The following RBM19 variants were observed in gnomAD, a reference collection of about 807,000 sequenced individuals.
RBM19 encodes RNA binding motif protein 19, also known as probable RNA-binding protein 19.
In RBM19, 94 loss-of-function variants were observed where a neutral mutation model predicts 116.8. The observed-to-expected ratio is 0.80, with a 90% confidence interval of 0.68 to 0.95. The LOEUF (loss-of-function observed/expected upper bound fraction) is 0.95, where lower values mean the gene tolerates loss of function less well. Ranked by LOEUF, RBM19 falls within the 40% of genes least tolerant of loss-of-function variation. RBM19 has a pLI of 0.00. For synonymous variants in RBM19, 475 were observed against 494.1 expected, an observed-to-expected ratio of 0.96 and a Z score of 0.51; for missense variants, 1,161 against 1,220.7, an observed-to-expected ratio of 0.95 and a Z score of 0.73.
chr12:113,838,202 G>A (rs1359175018), intron 23 of RBM19, among the ~76,000 whole-genome samples: 1 of 152,200 alleles, frequency 6.6e-6, no homozygotes, highest in Non-Finnish European at 1.5e-5. Context: ...CACCCACTCT[G>A]GGACCACTGA....
chr12:113,946,677 A>C (rs1871051367), intron 11 of RBM19, among the ~76,000 whole-genome samples: 1 of 152,086 alleles, frequency 6.6e-6, no homozygotes. Flanking sequence ...GGGCCACCTG[A>C]CACAGCTACA....
chr12:113,878,004 C>T (rs1185007185), intron 21 of RBM19, among the ~76,000 whole-genome samples: 1 of 152,230 alleles, frequency 6.6e-6, no homozygotes, highest in Non-Finnish European at 1.5e-5. Flanking sequence ...TACAATTTTA[C>T]TAGAACACGG....
At position 113,828,886 on chromosome 12, in the gene RBM19, C is replaced by T. The variant is rs551078679; in HGVS notation, c.2786-5565G>A. On this transcript the variant is annotated intron_variant, in intron 23 of 23. Coordinates refer to ENST00000261741, the MANE Select transcript of RBM19 (RefSeq NM_016196.4). ...GGTCTGCATCTCAGGGCTCTGTGTA[C>T]AGCAGGCACACATCAGGTACGCACA... 3.9e-5 allele frequency among the ~76,000 whole-genome samples: 6 copies of T among 152,316 alleles called. No individual in the cohort carries two copies. The East Asian group carries it at 7.7e-4, about 20-fold the overall frequency.
chr12:113,920,990 A>G (rs1301625042), intron 18 of RBM19, among the ~76,000 whole-genome samples: 1 of 152,176 alleles, frequency 6.6e-6, no homozygotes, highest in Non-Finnish European at 1.5e-5. Context: ...GACCTAAGAG[A>G]GATGACCATC....
chr12:113,826,552 G>A (rs1874872486), intron 23 of RBM19, among the ~76,000 whole-genome samples: 1 of 152,234 alleles, frequency 6.6e-6, no homozygotes, highest in Non-Finnish European at 1.5e-5. Context: ...GACACCTGCA[G>A]CACCTGCTCT....
intron 14 of RBM19, among the ~76,000 whole-genome samples, chr12:113,941,542 C>T: frequency 6.6e-6 from 1 of 152,196 alleles, no homozygotes; most frequent in East Asian, 1.9e-4. Context: ...TTATTTTATC[C>T]ATCTATCTAC....
intron 21 of RBM19, among the ~76,000 whole-genome samples, chr12:113,904,900 T>C (rs1881940726): frequency 6.6e-6 from 1 of 152,132 alleles, no homozygotes; most frequent in African/African-American, 2.4e-5. Context: ...GACCTAAATA[T>C]AGGTGTCATC....
chr12:113,884,210 G>A (rs1181727309), intron 21 of RBM19, among the ~76,000 whole-genome samples: 5 of 151,008 alleles, frequency 3.3e-5, no homozygotes, highest in Non-Finnish European at 5.9e-5. Context: ...CTTGAGCTAG[G>A]AGTTTGTAGC....
intron 16 of RBM19, among the ~76,000 whole-genome samples, chr12:113,932,065 A>C (rs1219693621): frequency 6.6e-6 from 1 of 152,244 alleles, no homozygotes; most frequent in Non-Finnish European, 1.5e-5. Flanking sequence ...CCTAGAACAC[A>C]GCGATCATGA....
At chr12:113,929,627 A>G (rs1869427171) in intron 16 of RBM19, among the ~76,000 whole-genome samples, 1 of 152,186 alleles carries the variant, frequency 6.6e-6, no homozygotes, top group South Asian at 2.1e-4. Context: ...GGAGATGAAA[A>G]CCATGACCTT....
intron 23 of RBM19, among the ~76,000 whole-genome samples, chr12:113,839,203 G>A (rs368425749): frequency 1.6e-4 from 24 of 152,218 alleles, no homozygotes; most frequent in East Asian, 5.8e-4. Context: ...TGAACAATGC[G>A]GATTTTCACA....
chr12:113,859,784 C>T lies in RBM19; in HGVS notation c.2559-888G>A, dbSNP rs370445629. Among the ~76,000 whole-genome samples, 16 of 152,260 alleles carry T rather than the reference C, an allele frequency of 1.1e-4. No individual in the cohort carries two copies. In the East Asian group the frequency reaches 1.9e-3, roughly 18 times the overall value. ...GCTACCGATAAATATTTAATGTGCA[C>T]GGCATCTGAAGAGAGGTATTATTTT... On this transcript the variant is annotated intron_variant, in intron 21 of 23. Coordinates refer to ENST00000261741, the MANE Select transcript of RBM19 (RefSeq NM_016196.4).
chr12:113,963,375 T>C (rs1478562230), intron 1 of RBM19, among the ~76,000 whole-genome samples: 1 of 152,132 alleles, frequency 6.6e-6, no homozygotes, highest in Admixed American at 6.5e-5. Flanking sequence ...TACTGGGATA[T>C]TTGTGTGTGT....
chr12:113,964,151 C>T (rs1485358855), intron 1 of RBM19, among the ~76,000 whole-genome samples: 1 of 152,220 alleles, frequency 6.6e-6, no homozygotes, highest in Non-Finnish European at 1.5e-5. Context: ...ATCACAAGTA[C>T]TCACTACTAA....
At chr12:113,863,935 C>T (rs972279890) in intron 21 of RBM19, among the ~76,000 whole-genome samples, 4 of 152,216 alleles carry the variant, frequency 2.6e-5, no homozygotes, top group African/African-American at 9.6e-5. Flanking sequence ...CTGGGTACTT[C>T]CTCAGCGCTT....
intron 16 of RBM19, among the ~76,000 whole-genome samples, chr12:113,928,058 T>G (rs7956377): frequency 0.082 from 12,526 of 152,212 alleles, 593 homozygotes; most frequent in East Asian, 0.11. Flanking sequence ...TGATCTAAGC[T>G]AGGTGCGGTG....
intron 20 of RBM19, among the ~76,000 whole-genome samples, chr12:113,917,196 C>A (rs1486421560): frequency 6.6e-6 from 1 of 152,172 alleles, no homozygotes; most frequent in African/African-American, 2.4e-5. Flanking sequence ...TCCATGAACA[C>A]TGGCTAGGAA....
At position 113,823,302 on chromosome 12, in the gene RBM19, C is replaced by A; in HGVS notation, c.2805G>T (p.Arg935=). ...CCAGGATCTCGTCCAACACCACAGACCGCTTTTTCTTCGGGGGCTCTGTGG... is the reference window on the plus strand; with the variant it reads ...CCAGGATCTCGTCCAACACCACAGAACGCTTTTTCTTCGGGGGCTCTGTGG... The part of the protein sequence containing the change: ...AHFHEPPKKK[R]SVVLDEILEQ... The change falls in exon 24 of 24, where the codon CGG becomes CGT. Residue 935 remains arginine (R), a synonymous_variant. Coordinates refer to ENST00000261741, the MANE Select transcript of RBM19 (RefSeq NM_016196.4). 3 of 1,613,228 alleles carry A rather than the reference C, an allele frequency of 1.9e-6. No homozygotes were observed. Among genetic ancestry groups the A allele is most frequent in the Non-Finnish European group, 2.5e-6 (3 of 1,180,042 alleles).
chr12:113,939,666 C>T (rs899117752), intron 15 of RBM19, among the ~76,000 whole-genome samples: 5 of 151,798 alleles, frequency 3.3e-5, no homozygotes, highest in African/African-American at 9.7e-5. Context: ...AGGAGAATGG[C>T]GTGAACCCGG....
Sources: gnomAD v4.1 joint callset for allele counts (sites outside exome capture counted in the v4.1 genomes callset) on GRCh38, gnomAD v4.1.1 for gene constraint, MANE v1.5 for transcripts, NCBI Gene and HGNC (gene_info 2026-07-23, HGNC 2026-07-21) for gene names.